SEC14L1: variants seen among roughly 807,000 people sequenced by gnomAD.
The protein encoded by SEC14L1 is SEC14 like lipid binding 1.
SEC14L1 carries 48 observed loss-of-function variants against 85.3 expected under a neutral mutation model. The observed-to-expected ratio is 0.56, with a 90% CI of 0.45 to 0.72. The LOEUF is 0.72. SEC14L1 is among the 30% of genes least tolerant of loss of function. The pLI, the probability that SEC14L1 is intolerant of heterozygous loss-of-function variation, is 0.00. For synonymous variants in SEC14L1, 391 were observed against 355.5 expected, an observed-to-expected ratio of 1.10 and a Z score of -1.12; for missense variants, 682 against 921.4, an observed-to-expected ratio of 0.74 and a Z score of 3.36.
chr17:77,204,268 A>G (rs972034138), intron 10 of SEC14L1, among the ~76,000 whole-genome samples: 40 of 152,114 alleles, frequency 2.6e-4, no homozygotes, highest in African/African-American at 9.4e-4. Context: ...CCCAGGCTGG[A>G]GTGCAATGGT....
intron 3 of SEC14L1, among the ~76,000 whole-genome samples, chr17:77,102,463 A>T (rs961876192): frequency 6.6e-6 from 1 of 152,110 alleles, no homozygotes; most frequent in African/African-American, 2.4e-5. Context: ...AAGGATATGG[A>T]AGTGAAGGGT....
At chr17:77,193,826 C>T (rs1975662159) in intron 6 of SEC14L1, among the ~76,000 whole-genome samples, 1 of 152,232 alleles carries the variant, frequency 6.6e-6, no homozygotes, top group South Asian at 2.1e-4. Flanking sequence ...GCAGCTGGCA[C>T]ACAGCCCCCA....
chr17:77,171,871 G>A (rs1048151936), intron 3 of SEC14L1, among the ~76,000 whole-genome samples: 1 of 152,048 alleles, frequency 6.6e-6, no homozygotes, highest in Non-Finnish European at 1.5e-5. Flanking sequence ...CATACATCTG[G>A]ATGGATGTAT....
chr17:77,106,887 G>A (rs1027481625), intron 3 of SEC14L1, among the ~76,000 whole-genome samples: 3 of 152,176 alleles, frequency 2.0e-5, no homozygotes, highest in African/African-American at 7.2e-5. Context: ...GAAATAGGCT[G>A]CGTTCTCCTT....
intron 3 of SEC14L1, among the ~76,000 whole-genome samples, chr17:77,166,169 G>A (rs1261845267): frequency 2.0e-5 from 3 of 152,124 alleles, no homozygotes; most frequent in Non-Finnish European, 4.4e-5. Context: ...TCGAACTCCT[G>A]GGCTCAAGTG....
chr17:77,149,863 T>TG (rs1197320398), intron 3 of SEC14L1, among the ~76,000 whole-genome samples: 12 of 151,994 alleles, frequency 7.9e-5, no homozygotes, highest in African/African-American at 2.9e-4. Context: ...TGTGTTTTTT[T>TG]TTTTTTTTTT....
At chr17:77,103,073 C>T (rs1971815933) in intron 3 of SEC14L1, among the ~76,000 whole-genome samples, 1 of 152,044 alleles carries the variant, frequency 6.6e-6, no homozygotes, top group African/African-American at 2.4e-5. Context: ...TCCTAAAGTA[C>T]TGAAATACAG....
chr17:77,127,505 A>G (rs1184395008), intron 3 of SEC14L1, among the ~76,000 whole-genome samples: 4 of 151,986 alleles, frequency 2.6e-5, no homozygotes, highest in African/African-American at 9.7e-5. Flanking sequence ...ACCCACCACC[A>G]CGCCTGGCTA....
intron 7 of SEC14L1, among the ~76,000 whole-genome samples, chr17:77,195,377 G>C (rs1007313073): frequency 1.3e-5 from 2 of 151,740 alleles, no homozygotes; most frequent in Non-Finnish European, 2.9e-5. Flanking sequence ...GGAGTGCAGT[G>C]GTGCCATCTT....
chr17:77,132,864 CTTT>C (rs1972655712), intron 3 of SEC14L1, among the ~76,000 whole-genome samples: 1 of 133,470 alleles, frequency 7.5e-6, no homozygotes, highest in Non-Finnish European at 1.6e-5. Flanking sequence ...TTTTTTTTTT[CTTT>C]TTTCTTTTTT....
chr17:77,119,392 A>G (rs1972247571), intron 3 of SEC14L1, among the ~76,000 whole-genome samples: 2 of 151,530 alleles, frequency 1.3e-5, no homozygotes, highest in South Asian at 4.2e-4. Context: ...ACTCTGTCCT[A>G]CCCAGGAAGG....
chr17:77,151,493 A>C (rs1567896052), intron 3 of SEC14L1, among the ~76,000 whole-genome samples: 1 of 152,102 alleles, frequency 6.6e-6, no homozygotes, highest in African/African-American at 2.4e-5. Flanking sequence ...AAGTGTCTTT[A>C]ATGCGCTAGA....
intron 3 of SEC14L1, among the ~76,000 whole-genome samples, chr17:77,095,993 G>C (rs1341738027): frequency 6.6e-6 from 1 of 151,816 alleles, no homozygotes; most frequent in Admixed American, 6.6e-5. Flanking sequence ...GTGGCTGTCA[G>C]GAACATTCCC....
At position 77,212,456 on chromosome 17, in the gene SEC14L1, G is replaced by A. The variant is rs115978895; in HGVS notation, c.1863+255G>A. Among the ~76,000 whole-genome samples, 814 of 152,248 alleles carry A rather than the reference G, an allele frequency of 5.3e-3. 7 individuals carry two copies. Among genetic ancestry groups the A allele is most frequent in the African/African-American group, 0.019 (769 of 41,548 alleles). ...GCCTGTGACAGGAAGGGAAGGCATC[G>A]CACGCACGGGCCCAGCTGGGCTTCA... On this transcript the variant is annotated intron_variant, in intron 15 of 16. Coordinates refer to ENST00000436233, the MANE Select transcript of SEC14L1 (RefSeq NM_001143998.2).
chr17:77,140,474 G>C (rs1485162569), upstream of SEC14L1, among the ~76,000 whole-genome samples: 1 of 152,270 alleles, frequency 6.6e-6, no homozygotes, highest in Non-Finnish European at 1.5e-5. Context: ...CAGTCAACAA[G>C]AAATGAGGAA....
chr17:77,192,929 C>T (rs921961346), intron 5 of SEC14L1, among the ~76,000 whole-genome samples: 1 of 152,164 alleles, frequency 6.6e-6, no homozygotes. Flanking sequence ...CCCAAAGTGT[C>T]GGGATTGCAG....
intron 2 of SEC14L1, chr17:77,089,439 A>T: frequency 1.9e-6 from 1 of 518,998 alleles, no homozygotes; most frequent in Non-Finnish European, 3.8e-6. Context: ...TTGCAGTAAC[A>T]GGTGTGAGCA....
chr17:77,148,949 G>A (rs1261834281), intron 3 of SEC14L1, among the ~76,000 whole-genome samples: 1 of 152,184 alleles, frequency 6.6e-6, no homozygotes, highest in Non-Finnish European at 1.5e-5. Flanking sequence ...TTGAACATTT[G>A]TTTCTGTCTT....
intron 3 of SEC14L1, among the ~76,000 whole-genome samples, chr17:77,153,084 T>G (rs1237259822): frequency 6.6e-6 from 1 of 152,206 alleles, no homozygotes; most frequent in East Asian, 1.9e-4. Flanking sequence ...TTATTATTTT[T>G]TTGAGGCAGA....
Sources: gnomAD v4.1 joint callset for allele counts (sites outside exome capture counted in the v4.1 genomes callset) on GRCh38, gnomAD v4.1.1 for gene constraint, MANE v1.5 for transcripts, NCBI Gene and HGNC (gene_info 2026-07-23, HGNC 2026-07-21) for gene names.